The following RANBP2 variants were observed in gnomAD, a reference collection of about 807,000 sequenced individuals.
RANBP2 encodes RAN binding protein 2, also known as E3 SUMO-protein ligase RanBP2.
A neutral mutation model predicts 303.6 loss-of-function variants in RANBP2; 57 were observed. The ratio of observed to expected loss-of-function variants is 0.19; its 90% confidence interval spans 0.15 to 0.23. The LOEUF (loss-of-function observed/expected upper bound fraction) is 0.23, where lower values mean the gene tolerates loss of function less well. Among genes scored for constraint, RANBP2 ranks in the 10% least tolerant of loss-of-function variants. RANBP2 has a pLI of 1.00. For synonymous variants in RANBP2, 1,167 were observed against 1,301.5 expected (o/e 0.90, Z 2.23); for missense variants, 3,138 against 3,780.8 (o/e 0.83, Z 4.46).
At chr2:109,269,084 G>A in the RANBP2 span, among the ~76,000 whole-genome samples, 1 of 152,164 alleles carries the variant, frequency 6.6e-6, no homozygotes, top group African/African-American at 2.4e-5. Context: ...TGTCCATGGA[G>A]CCACGAGGCA....
At chr2:109,116,424 G>A in the RANBP2 span, among the ~76,000 whole-genome samples, 4 of 151,896 alleles carry the variant, frequency 2.6e-5, no homozygotes, top group Admixed American at 6.6e-5. Flanking sequence ...TGATCACATC[G>A]GCTCCTGAGG....
the RANBP2 span, among the ~76,000 whole-genome samples, chr2:108,956,462 A>T: frequency 2.6e-5 from 4 of 152,202 alleles, no homozygotes; most frequent in Non-Finnish European, 5.9e-5. Context: ...CTAGCACTGC[A>T]CCAAGAGTCT....
At chr2:108,786,720 T>G, downstream of RANBP2, 1 of 1,117,214 alleles carries the variant, frequency 9.0e-7, no homozygotes, top group Non-Finnish European at 1.3e-6. Flanking sequence ...CGTGCGTGCC[T>G]CGGGGGGGCG....
the RANBP2 span, among the ~76,000 whole-genome samples, chr2:109,155,560 C>G: frequency 2.6e-5 from 4 of 152,284 alleles, no homozygotes; most frequent in South Asian, 6.2e-4. Context: ...CTCAGCCTCC[C>G]AAAGTGCTGG....
chr2:109,249,033 C>T, the RANBP2 span, among the ~76,000 whole-genome samples: 1 of 152,208 alleles, frequency 6.6e-6, no homozygotes, highest in Non-Finnish European at 1.5e-5. Flanking sequence ...AGGTGCATGC[C>T]ACCATGCCCA....
At chr2:109,178,280 G>C in the RANBP2 span, among the ~76,000 whole-genome samples, 1 of 152,024 alleles carries the variant, frequency 6.6e-6, no homozygotes, top group Non-Finnish European at 1.5e-5. Flanking sequence ...CTGCCTCTTT[G>C]CTTTAATTTT....
the RANBP2 span, among the ~76,000 whole-genome samples, chr2:109,663,266 T>C: frequency 6.6e-6 from 1 of 152,228 alleles, no homozygotes; most frequent in Non-Finnish European, 1.5e-5. Context: ...TTGTGGGCTC[T>C]CACAGCACTT....
chr2:109,662,751 C>G, the RANBP2 span, among the ~76,000 whole-genome samples: 1 of 152,172 alleles, frequency 6.6e-6, no homozygotes, highest in Non-Finnish European at 1.5e-5. Context: ...CAGTGAATCT[C>G]TTGCAAATAA....
the RANBP2 span, among the ~76,000 whole-genome samples, chr2:109,287,705 C>G: frequency 6.6e-6 from 1 of 152,170 alleles, no homozygotes; most frequent in Non-Finnish European, 1.5e-5. Context: ...GGCCTCAGAT[C>G]TCATCAGAGG....
chr2:109,472,239 A>G, the RANBP2 span, among the ~76,000 whole-genome samples: 1 of 152,192 alleles, frequency 6.6e-6, no homozygotes, highest in Non-Finnish European at 1.5e-5. Flanking sequence ...GCACTTATTC[A>G]GGGAGGTGCC....
chr2:109,130,260 C>T, the RANBP2 span: 8 of 831,518 alleles, frequency 9.6e-6, no homozygotes, highest in African/African-American at 3.6e-5. Context: ...TCCAACTTCG[C>T]TTGCTTGGTG....
chr2:109,302,001 G>A, the RANBP2 span, among the ~76,000 whole-genome samples: 1 of 152,200 alleles, frequency 6.6e-6, no homozygotes, highest in Non-Finnish European at 1.5e-5. Flanking sequence ...TCTTCGTTGT[G>A]TGACTCAGTT....
chr2:109,421,408 C>A, the RANBP2 span, among the ~76,000 whole-genome samples: 1 of 152,200 alleles, frequency 6.6e-6, no homozygotes, highest in Non-Finnish European at 1.5e-5. Flanking sequence ...CAGCTTGAGG[C>A]GAGCTCAAGG....
the RANBP2 span, among the ~76,000 whole-genome samples, chr2:109,536,733 A>C: frequency 6.6e-6 from 1 of 152,310 alleles, no homozygotes; most frequent in African/African-American, 2.4e-5. Context: ...CCCCACTGGA[A>C]GCTCATCTTG....
At chr2:109,351,351 C>G in the RANBP2 span, among the ~76,000 whole-genome samples, 1 of 152,202 alleles carries the variant, frequency 6.6e-6, no homozygotes, top group Admixed American at 6.5e-5. Flanking sequence ...TTCCCAGTCT[C>G]AGGATGCCAG....
At chr2:108,916,176 C>A in the RANBP2 span, among the ~76,000 whole-genome samples, 3 of 152,144 alleles carry the variant, frequency 2.0e-5, no homozygotes, top group African/African-American at 7.2e-5. Context: ...TAAGAGCAAA[C>A]AAGAGATTGA....
the RANBP2 span, among the ~76,000 whole-genome samples, chr2:108,980,205 C>T: frequency 6.6e-6 from 1 of 152,120 alleles, no homozygotes. Context: ...GTTCTTTAAC[C>T]CCAGCTCATT....
chr2:109,449,551 G>A, the RANBP2 span: 1 of 1,550,870 alleles, frequency 6.4e-7, no homozygotes, highest in African/African-American at 1.4e-5. Context: ...TAACTTTTTG[G>A]CACTAGATGG....
chr2:109,313,083 A>G, the RANBP2 span, among the ~76,000 whole-genome samples: 1 of 152,196 alleles, frequency 6.6e-6, no homozygotes, highest in East Asian at 1.9e-4. Context: ...CACATACTTC[A>G]GAGGCAGGTG....
Sources: gnomAD v4.1 joint callset for allele counts (sites outside exome capture counted in the v4.1 genomes callset) on GRCh38, gnomAD v4.1.1 for gene constraint, MANE v1.5 for transcripts, NCBI Gene and HGNC (gene_info 2026-07-23, HGNC 2026-07-21) for gene names.